Variants in COL4A1 observed in about 807,000 individuals in gnomAD.
COL4A1 encodes collagen alpha-1(IV) chain.
A neutral mutation model predicts 216.6 loss-of-function variants in COL4A1; 40 were observed. The observed-to-expected ratio is 0.18, with a 90% CI of 0.14 to 0.24. The LOEUF (loss-of-function observed/expected upper bound fraction) is 0.24, where lower values mean the gene tolerates loss of function less well. Among genes scored for constraint, COL4A1 ranks in the 10% least tolerant of loss-of-function variants. The pLI is 1.00. For synonymous variants in COL4A1, 839 were observed against 810.7 expected (o/e 1.03, Z -0.59); for missense variants, 1,628 against 2,196.8 (o/e 0.74, Z 5.18).
chr13:110,160,089 A>G (rs2138426105), intron 49 of COL4A1, among the ~76,000 whole-genome samples: 1 of 152,374 alleles, frequency 6.6e-6, no homozygotes, highest in African/African-American at 2.4e-5. Flanking sequence ...CTGAAAAATT[A>G]TTAAGATGGT....
chr13:110,150,035 G>T lies in COL4A1; in HGVS notation c.*328C>A. The T allele has an allele frequency of 2.5e-6, 1 of 392,200 alleles. No homozygotes were observed. Among genetic ancestry groups the T allele is most frequent in the Non-Finnish European group, 4.9e-6 (1 of 205,558 alleles). The allele number at this position is 392,200 out of a possible 1,614,324, so 24.3% of individuals were successfully genotyped here. ...TGAAAATGGGCAAACAGTATGGAAG[G>T]CACCCACACCTCCTAGCACCCTTTG... On this transcript the variant is annotated 3_prime_UTR_variant, in exon 52 of 52. Coordinates refer to ENST00000375820, the MANE Select transcript of COL4A1 (RefSeq NM_001845.6).
Position 110,203,607 on chromosome 13 carries a change from C to T in COL4A1, c.958G>A (p.Gly320Arg), listed in dbSNP as rs1243078574. 1 of 1,614,120 alleles carries T rather than the reference C, an allele frequency of 6.2e-7. No individual in the cohort carries two copies. The highest frequency in any genetic ancestry group is 8.5e-7 in the Non-Finnish European group (1 of 1,180,020). Residue 320 changes from glycine (G) to arginine (R), a missense_variant and splice_region_variant, in exon 18 of 52, where the codon GGA becomes AGA. This residue lies in a region of COL4A1 where 701 missense variants were observed against 892.5 expected (regional missense o/e 0.79). Coordinates refer to ENST00000375820, the MANE Select transcript of COL4A1 (RefSeq NM_001845.6). ...GGAGGACCTGCTTCACCCTTTTCTC[C>T]CTACAAAAGAAAAAATAACTTTCCT... Reference protein sequence around the residue: ...PGLIGRQGPQGEKGEAGPPGP... With the variant: ...PGLIGRQGPQREKGEAGPPGP...
chr13:110,211,987 G>T lies in COL4A1; in HGVS notation c.388-65C>A, dbSNP rs60663998. On this transcript the variant is annotated intron_variant, in intron 6 of 51. Coordinates refer to ENST00000375820, the MANE Select transcript of COL4A1 (RefSeq NM_001845.6). The surrounding 1 kb of genome is among the most constrained non-coding windows in gnomAD (Gnocchi z 4.3). The stretch of plus-strand genomic sequence containing the variant: ...TGGCAGACACATCAGCCCTGACATC[G>T]CATGCATCACTCTGCCCTACCCTTC... The T allele has an allele frequency of 6.9e-7, 1 of 1,446,014 alleles. No individual in the cohort carries two copies. Among genetic ancestry groups the T allele is most frequent in the Non-Finnish European group, 9.7e-7 (1 of 1,027,036 alleles). The allele number at this position is 1,446,014 out of a possible 1,614,324, so 89.6% of individuals were successfully genotyped here.
Position 110,172,700 on chromosome 13 carries a change from G to A in COL4A1, c.3556+20C>T. Reference sequence around the variant, plus strand: ...AGCAGCGGTTGGTTGAAAAGGAAGAGCACAGTGAGCAAAGATTACCTTTGT... The same window carrying A: ...AGCAGCGGTTGGTTGAAAAGGAAGAACACAGTGAGCAAAGATTACCTTTGT... On this transcript the variant is annotated intron_variant, in intron 41 of 51. Transcript: ENST00000375820. The A allele has an allele frequency of 1.9e-6, 3 of 1,611,898 alleles. No homozygotes were observed. The highest frequency in any genetic ancestry group is 1.3e-5 in the African/African-American group (1 of 75,010).
At chr13:110,151,074 G>T (rs1285352990) in intron 51 of COL4A1, among the ~76,000 whole-genome samples, 5 of 151,840 alleles carry the variant, frequency 3.3e-5, no homozygotes, top group African/African-American at 1.2e-4. Context: ...TTGTTGAAAA[G>T]GTAAAATCTG....
chr13:110,263,919 T>C (rs990244575), intron 1 of COL4A1, among the ~76,000 whole-genome samples: 1 of 152,218 alleles, frequency 6.6e-6, no homozygotes, highest in African/African-American at 2.4e-5. Flanking sequence ...ATGTTTACTA[T>C]TATTTAAAAA....
At chr13:110,254,777 T>C (rs1882437827) in intron 1 of COL4A1, among the ~76,000 whole-genome samples, 1 of 152,170 alleles carries the variant, frequency 6.6e-6, no homozygotes, top group Non-Finnish European at 1.5e-5. Context: ...TCTCTGTGTG[T>C]CCCCATCCTA....
intron 2 of COL4A1, among the ~76,000 whole-genome samples, chr13:110,227,823 G>A (rs1880813000): frequency 6.6e-6 from 1 of 152,202 alleles, no homozygotes; most frequent in Admixed American, 6.5e-5. Context: ...TAAATATCCT[G>A]CCGTGGGTTA....
intron 1 of COL4A1, among the ~76,000 whole-genome samples, chr13:110,252,805 C>G (rs1314260093): frequency 8.0e-6 from 1 of 124,454 alleles, no homozygotes; most frequent in Admixed American, 9.1e-5. Flanking sequence ...ATTACATATA[C>G]AGATAACTAT....
intron 1 of COL4A1, among the ~76,000 whole-genome samples, chr13:110,284,189 C>T (rs1363853467): frequency 6.6e-6 from 1 of 152,212 alleles, no homozygotes; most frequent in African/African-American, 2.4e-5. Flanking sequence ...AAAGAGGCTG[C>T]TAAATTTCAC....
chr13:110,236,593 G>A (rs1225723287), intron 2 of COL4A1, among the ~76,000 whole-genome samples: 1 of 152,152 alleles, frequency 6.6e-6, no homozygotes, highest in Non-Finnish European at 1.5e-5. Flanking sequence ...GAGGACGTGT[G>A]AGAAGCATGG....
intron 24 of COL4A1, 133 bp from the exon 25 acceptor site, chr13:110,187,462 G>C: frequency 1.0e-6 from 1 of 997,704 alleles, no homozygotes; most frequent in Non-Finnish European, 1.5e-6. Context: ...CCTCATCATT[G>C]ATTTTCTAGA....
intron 1 of COL4A1, among the ~76,000 whole-genome samples, chr13:110,279,069 G>C (rs1484495290): frequency 6.6e-6 from 1 of 152,116 alleles, no homozygotes; most frequent in Non-Finnish European, 1.5e-5. Context: ...TCCATATGAA[G>C]TGTTTCGAGT....
In COL4A1 at chr13:110,178,055, A is replaced by C. The variant is rs745737084; in HGVS notation, c.2626+9T>G. 6.2e-7 allele frequency: 1 copy of C among 1,614,128 alleles called. No individual in the cohort carries two copies. The stretch of plus-strand genomic sequence containing the variant: ...GATGGATCCAGGCAGAAGTTCAAAA[A>C]TCACTTACCTGGAAACCCAGGAATC... On this transcript the variant is annotated intron_variant, in intron 32 of 51. Transcript: ENST00000375820.
rs781374805 is a variant in COL4A1, at chr13:110,167,241, A to C, written c.3877-11T>G. 6 of 1,605,726 alleles carry C rather than the reference A, an allele frequency of 3.7e-6. No individual in the cohort carries two copies. Among genetic ancestry groups the C allele is most frequent in the Non-Finnish European group, 5.1e-6 (6 of 1,172,342 alleles). ...AGAGCCACCAATACCCTAGACACGCAAAGAGGAGGTTGGGAATTGCTCAGG... is the reference window on the plus strand; with the variant it reads ...AGAGCCACCAATACCCTAGACACGCCAAGAGGAGGTTGGGAATTGCTCAGG... On this transcript the variant is annotated splice_polypyrimidine_tract_variant and intron_variant, in intron 43 of 51. Transcript: ENST00000375820.
intron 50 of COL4A1, among the ~76,000 whole-genome samples, chr13:110,154,412 C>T (rs3825483): frequency 0.3 from 45,134 of 152,266 alleles, 7,012 homozygotes; most frequent in East Asian, 0.45. Flanking sequence ...GGGTCCCAGG[C>T]GGCACTGCCC....
chr13:110,186,238 C>T (rs2139172995), intron 26 of COL4A1, 147 bp downstream of exon 26: 2 of 1,008,884 alleles, frequency 2.0e-6, no homozygotes, highest in East Asian at 4.8e-5. Context: ...TGAAGGCTTG[C>T]CCAGGTCCTG....
intron 1 of COL4A1, among the ~76,000 whole-genome samples, chr13:110,263,216 C>T (rs758471891): frequency 8.5e-5 from 13 of 152,186 alleles, no homozygotes; most frequent in Non-Finnish European, 1.6e-4. Flanking sequence ...AGTGAATTCA[C>T]GACGGCCTTG....
rs121912857 is a variant in COL4A1 at position 110,187,181 on chromosome 13, C to G, written c.1685G>C (p.Gly562Ala). ...AGGAAGACCCGGATGGCCATCTCTT[C>G]CAGGAGAACCCGCTCTCCCTGGCAT... Reference protein sequence around the residue: ...PGMPGRAGSPGRDGHPGLPGP... With the variant: ...PGMPGRAGSPARDGHPGLPGP... The change falls in exon 25 of 52, where the codon GGA (glycine) becomes GCA (alanine). Residue 562 changes from glycine to alanine, a missense_variant. Transcript: ENST00000375820. 1 of 1,614,044 alleles carries G rather than the reference C, an allele frequency of 6.2e-7. No individual in the cohort carries two copies. Among genetic ancestry groups the G allele is most frequent in the Admixed American group, 1.7e-5 (1 of 60,020 alleles).
Sources: allele counts gnomAD v4.1 joint callset (sites outside exome capture counted in the v4.1 genomes callset), GRCh38; gene constraint gnomAD v4.1.1; regional missense constraint gnomAD v4.1.1; non-coding constraint Gnocchi (gnomAD v3.1); transcripts MANE v1.5; gene names NCBI Gene and HGNC (gene_info 2026-07-23, HGNC 2026-07-21).